The following ABHD4 variants were observed in gnomAD, a reference collection of about 807,000 sequenced individuals.
The protein encoded by ABHD4 is abhydrolase domain containing 4, N-acyl phospholipase B.
ABHD4 carries 35 observed loss-of-function variants against 42.3 expected under a neutral mutation model. The ratio of observed to expected loss-of-function variants is 0.83; its 90% confidence interval spans 0.63 to 1.10. The LOEUF (loss-of-function observed/expected upper bound fraction) is 1.10, where lower values mean the gene tolerates loss of function less well. ABHD4 is among the 50% of genes least tolerant of loss of function. The pLI is 0.00. For synonymous variants in ABHD4, 169 were observed against 170.6 expected (o/e 0.99, Z 0.07); for missense variants, 389 against 454.8 (o/e 0.86, Z 1.32).
intron 5 of ABHD4, among the ~76,000 whole-genome samples, chr14:22,606,991 A>G (rs1388383310): frequency 6.6e-6 from 1 of 152,192 alleles, no homozygotes; most frequent in African/African-American, 2.4e-5. Flanking sequence ...CCAGTCTAAC[A>G]TAGCACATGT....
chr14:22,612,541 C>T lies in ABHD4; in HGVS notation c.*1593C>T, dbSNP rs908045785. The stretch of plus-strand genomic sequence containing the variant: ...GAGTCCAGGTCAGCACAGGCCCTCT[C>T]AGCCAACCACTCATGACAAATGAGG... On this transcript the variant is annotated 3_prime_UTR_variant, in exon 7 of 7. Transcript: ENST00000428304. The T allele has an allele frequency of 3.3e-5, 5 of 152,282 alleles. No homozygotes were observed. Among genetic ancestry groups the T allele is most frequent in the African/African-American group, 1.2e-4 (5 of 41,460 alleles). 9.4% of individuals were successfully genotyped at this position (152,282 alleles called of 1,614,324 possible). A position where few individuals can be genotyped will look rare whatever the true frequency, so the allele number is the denominator to read the frequency against.
rs1403483790 is a variant in ABHD4, at chr14:22,611,197, C to T, written c.*249C>T. On this transcript the variant is annotated 3_prime_UTR_variant, in exon 7 of 7. Transcript: ENST00000428304. ...AACATAAAGGGTTGCACAATGCCAC[C>T]CATCCACTCCTTGCCAAGTGTTACC... 4.2e-6 allele frequency: 2 copies of T among 481,170 alleles called. No homozygotes were observed. The highest frequency in any genetic ancestry group is 3.3e-5 in the Admixed American group (1 of 30,560). The allele number at this position is 481,170 out of a possible 1,614,324, so 29.8% of individuals were successfully genotyped here.
In ABHD4 at chr14:22,610,764, A is replaced by G; in HGVS notation, c.940-95A>G. ...TCTCTGATAAGAGCTCGTGGGTGGCAGGCAAGCAAGTCTAAGGGGAAAAGA... is the reference window on the plus strand; with the variant it reads ...TCTCTGATAAGAGCTCGTGGGTGGCGGGCAAGCAAGTCTAAGGGGAAAAGA... On this transcript the variant is annotated intron_variant, in intron 6 of 6. Coordinates refer to ENST00000428304, the MANE Select transcript of ABHD4 (RefSeq NM_022060.3). The G allele has an allele frequency of 5.2e-6, 5 of 953,732 alleles. No homozygotes were observed. In the South Asian group the frequency reaches 6.6e-5, roughly 13 times the overall value. The allele number at this position is 953,732 out of a possible 1,614,324, so 59.1% of individuals were successfully genotyped here.
At chr14:22,608,162 C>A (rs1330282965) in intron 5 of ABHD4, among the ~76,000 whole-genome samples, 1 of 152,164 alleles carries the variant, frequency 6.6e-6, no homozygotes, top group Non-Finnish European at 1.5e-5. Flanking sequence ...CATTTGACTC[C>A]AAATTCCATG....
At position 22,611,249 on chromosome 14, in the gene ABHD4, G is replaced by T; in HGVS notation, c.*301G>T. On this transcript the variant is annotated 3_prime_UTR_variant, in exon 7 of 7. Coordinates refer to ENST00000428304, the MANE Select transcript of ABHD4 (RefSeq NM_022060.3). ...AGATGGTGGAGGATGTGAAGGGATTGCACCAAGCCACATTCACTCTCTCTG... is the reference window on the plus strand; with the variant it reads ...AGATGGTGGAGGATGTGAAGGGATTTCACCAAGCCACATTCACTCTCTCTG... 1 of 347,320 alleles carries T rather than the reference G, an allele frequency of 2.9e-6. No homozygotes were observed. Among genetic ancestry groups the T allele is most frequent in the Non-Finnish European group, 5.5e-6 (1 of 182,950 alleles). 21.5% of individuals were successfully genotyped at this position (347,320 alleles called of 1,614,324 possible).
intron 1 of ABHD4, chr14:22,600,261 A>C: frequency 2.2e-6 from 1 of 447,690 alleles, no homozygotes; most frequent in South Asian, 1.6e-5. Context: ...TTGAGAAAAC[A>C]GACATAAATG....
intron 5 of ABHD4, among the ~76,000 whole-genome samples, chr14:22,606,833 G>T (rs2037355354): frequency 1.3e-5 from 2 of 152,058 alleles, no homozygotes; most frequent in African/African-American, 4.8e-5. Flanking sequence ...TATTTTAAAA[G>T]ATTTTTTTAA....
chr14:22,602,386 C>T (rs538555914), intron 2 of ABHD4, among the ~76,000 whole-genome samples: 43 of 152,306 alleles, frequency 2.8e-4, no homozygotes, highest in African/African-American at 9.6e-4. Context: ...CATAGCTACC[C>T]TTTCTCTTCT....
chr14:22,599,275 G>A (rs1290231016), intron 1 of ABHD4, among the ~76,000 whole-genome samples: 1 of 152,190 alleles, frequency 6.6e-6, no homozygotes, highest in Non-Finnish European at 1.5e-5. Flanking sequence ...AGGACTTAGG[G>A]AGGCAGAATA....
chr14:22,604,506 C>T (rs182418172), intron 4 of ABHD4, among the ~76,000 whole-genome samples: 38 of 152,308 alleles, frequency 2.5e-4, no homozygotes, highest in Admixed American at 5.2e-4. Flanking sequence ...CTCGGCCTCC[C>T]GAAGTGCTGG....
At chr14:22,598,629 A>G in intron 1 of ABHD4, 1 of 627,320 alleles carries the variant, frequency 1.6e-6, no homozygotes, top group Non-Finnish European at 2.7e-6. Flanking sequence ...TTCCATGTTG[A>G]TGTGTGAGAT....
At chr14:22,600,008 G>A in intron 1 of ABHD4, 4 of 297,070 alleles carry the variant, frequency 1.3e-5, no homozygotes, top group South Asian at 1.1e-4. Context: ...GACAACTTAT[G>A]ATTTAGCTGG....
chr14:22,610,075 G>A lies in ABHD4; in HGVS notation c.939+165G>A, dbSNP rs552711888. Among the ~76,000 whole-genome samples the A allele has an allele frequency of 5.5e-5, 8 of 145,986 alleles. No homozygotes were observed. In the South Asian group the frequency reaches 8.8e-4, roughly 16 times the overall value. On this transcript the variant is annotated intron_variant, in intron 6 of 6. Coordinates refer to ENST00000428304, the MANE Select transcript of ABHD4 (RefSeq NM_022060.3). ...CTCTTTGGAATATCTTTTTTTTTTC[G>A]TGATGGAGTCTCGCTATTGTTGCCC...
chr14:22,611,066 T>C lies in ABHD4; in HGVS notation c.*118T>C, dbSNP rs1026385417. On this transcript the variant is annotated 3_prime_UTR_variant, in exon 7 of 7. Coordinates refer to ENST00000428304, the MANE Select transcript of ABHD4 (RefSeq NM_022060.3). ...AACATGTGCCAGCCAGGCAGAGTCT[T>C]GTGCTGTTCCCAGAACAGGACGACA... 8.0e-6 allele frequency: 7 copies of C among 872,660 alleles called. No homozygotes were observed. Among genetic ancestry groups the C allele is most frequent in the African/African-American group, 1.7e-5 (1 of 60,384 alleles). 54.1% of individuals were successfully genotyped at this position (872,660 alleles called of 1,614,324 possible). A position where few individuals can be genotyped will look rare whatever the true frequency, so the allele number is the denominator to read the frequency against.
At chr14:22,601,247 G>A (rs1381137809) in intron 1 of ABHD4, among the ~76,000 whole-genome samples, 1 of 152,202 alleles carries the variant, frequency 6.6e-6, no homozygotes, top group Non-Finnish European at 1.5e-5. Context: ...CAGATGGCAT[G>A]GGAATTTGTC....
chr14:22,609,862 G>A lies in ABHD4; in HGVS notation c.891G>A (p.Thr297=), dbSNP rs185929512. ...CCGACACCTGGATAGATACCAGTAC[G>A]GGAAAAAAGGTGAAGATGCAGCGGC... The part of the protein sequence containing the change: ...YGSDTWIDTS[T]GKKVKMQRPD... The change falls in exon 6 of 7, where the codon ACG becomes ACA. Residue 297 remains threonine, a synonymous_variant. Transcript: ENST00000428304. The A allele has an allele frequency of 1.2e-4, 192 of 1,613,916 alleles. 1 individual carries two copies. The East Asian group carries it at 4.0e-3, about 33-fold the overall frequency.
intron 1 of ABHD4, among the ~76,000 whole-genome samples, 155 bp from the exon 2 acceptor site, chr14:22,601,512 T>C (rs991356738): frequency 3.3e-5 from 5 of 152,206 alleles, no homozygotes; most frequent in African/African-American, 4.8e-5. Context: ...ATCTATCAGG[T>C]AGCTAGGGAA....
chr14:22,601,114 C>T (rs2037280028), intron 1 of ABHD4, among the ~76,000 whole-genome samples: 1 of 152,184 alleles, frequency 6.6e-6, no homozygotes, highest in South Asian at 2.1e-4. Context: ...CTGCCTACCC[C>T]ATCTCCATGG....
At chr14:22,608,592 A>C (rs912490471) in intron 5 of ABHD4, among the ~76,000 whole-genome samples, 1 of 152,172 alleles carries the variant, frequency 6.6e-6, no homozygotes, top group Non-Finnish European at 1.5e-5. Flanking sequence ...CCTCAGATGA[A>C]CTTCTGACCA....
Sources: allele counts gnomAD v4.1 joint callset (sites outside exome capture counted in the v4.1 genomes callset), GRCh38; gene constraint gnomAD v4.1.1; transcripts MANE v1.5; gene names NCBI Gene and HGNC (gene_info 2026-07-23, HGNC 2026-07-21).